The following ADGRA3 variants were observed in gnomAD, a reference collection of about 807,000 sequenced individuals.
ADGRA3 encodes the protein G-protein coupled receptor 125.
Under a neutral mutation model 119.8 loss-of-function variants are expected in ADGRA3, and 56 were observed. The ratio of observed to expected loss-of-function variants is 0.47; its 90% CI spans 0.38 to 0.58. The LOEUF (loss-of-function observed/expected upper bound fraction) is 0.58. Among genes scored for constraint, ADGRA3 ranks in the 20% least tolerant of loss-of-function variants. The pLI, the probability that ADGRA3 is intolerant of heterozygous loss-of-function variation, is 0.00. For missense variants in ADGRA3, 1,516 were observed against 1,649.0 expected (o/e 0.92, Z 1.40); for synonymous variants, 607 against 623.8 (o/e 0.97, Z 0.40).
At chr4:22,439,446 G>A (rs1288101537) in intron 7 of ADGRA3, among the ~76,000 whole-genome samples, 2 of 152,152 alleles carry the variant, frequency 1.3e-5, no homozygotes, top group Non-Finnish European at 2.9e-5. Flanking sequence ...ATGCGTTGCT[G>A]TTATGTAGAC....
At chr4:22,417,181 G>A (rs77233244) in intron 12 of ADGRA3, among the ~76,000 whole-genome samples, 2,522 of 152,246 alleles carry the variant, frequency 0.017, 33 homozygotes, top group Non-Finnish European at 0.024. Context: ...AAGATTAACA[G>A]CAATTACATT....
chr4:22,387,756 A>G lies in ADGRA3; in HGVS notation c.3915T>C (p.Asp1305=), dbSNP rs774854986. 5.0e-6 allele frequency: 8 copies of G among 1,614,038 alleles called. No individual in the cohort carries two copies. Among genetic ancestry groups the G allele is most frequent in the Non-Finnish European group, 6.8e-6 (8 of 1,179,930 alleles). Residue 1305 remains aspartate (D), a synonymous_variant, in exon 19 of 19, where the codon GAT becomes GAC. Transcript: ENST00000334304. ...ATCCAGTCCTAACATTGCCAGTGCT[A>G]TCGGTACCGAGCAAGGGTCCCTCCT... ...NGQEGPLLGT[D]STGNVRTGLW...
intron 10 of ADGRA3, among the ~76,000 whole-genome samples, chr4:22,428,103 TATC>T (rs1323840134): frequency 3.9e-5 from 6 of 152,322 alleles, no homozygotes; most frequent in South Asian, 4.1e-4. Context: ...TTTCTGATGT[TATC>T]ATATTAATAT....
At chr4:22,437,914 A>G (rs1716459060) in intron 8 of ADGRA3, among the ~76,000 whole-genome samples, 1 of 152,222 alleles carries the variant, frequency 6.6e-6, no homozygotes, top group Non-Finnish European at 1.5e-5. Context: ...CTGGGGGGAA[A>G]AAAAACAGAA....
At chr4:22,491,369 T>C (rs896788666) in intron 1 of ADGRA3, among the ~76,000 whole-genome samples, 17 of 152,224 alleles carry the variant, frequency 1.1e-4, no homozygotes, top group African/African-American at 3.6e-4. Context: ...CAAGTTTTTA[T>C]TGACAAAAAT....
At chr4:22,402,853 A>G in intron 14 of ADGRA3, 54 bp from the exon 15 acceptor site, 1 of 1,552,444 alleles carries the variant, frequency 6.4e-7, no homozygotes, top group Non-Finnish European at 8.7e-7. Flanking sequence ...ACATTTAACT[A>G]CTGAGATTTT....
At chr4:22,424,157 T>C in intron 11 of ADGRA3, 34 bp downstream of exon 11, 1 of 1,566,824 alleles carries the variant, frequency 6.4e-7, no homozygotes, top group South Asian at 1.2e-5. Context: ...AATGCACTTT[T>C]TTTCTCAGGA....
Position 22,413,728 on chromosome 4 carries a change from A to T in ADGRA3, c.1896T>A (p.Ser632=), listed in dbSNP as rs370249356. ...ATGCAATGAGTTGAAGCTTGTAAAG[A>T]GAGTCATCAGTTGGTCTGAGTTCTC... ...QKRELRPTDD[S]LYKLQLIAFR... Residue 632 remains serine, a synonymous_variant, in exon 13 of 19, where the codon TCT becomes TCA. Coordinates refer to ENST00000334304, the MANE Select transcript of ADGRA3 (RefSeq NM_145290.4). 1.9e-6 allele frequency: 3 copies of T among 1,613,998 alleles called. No individual in the cohort carries two copies. In the South Asian group the frequency reaches 3.3e-5, roughly 18 times the overall value.
intron 1 of ADGRA3, among the ~76,000 whole-genome samples, chr4:22,492,687 T>C (rs1718672696): frequency 6.6e-6 from 1 of 152,078 alleles, no homozygotes; most frequent in Non-Finnish European, 1.5e-5. Flanking sequence ...TTAAAGAGTG[T>C]GGTAAATGAC....
At chr4:22,409,426 T>C (rs1003763378) in intron 14 of ADGRA3, among the ~76,000 whole-genome samples, 1 of 152,146 alleles carries the variant, frequency 6.6e-6, no homozygotes, top group Non-Finnish European at 1.5e-5. Context: ...AAAGGAGACT[T>C]AGCAGAGGGA....
At chr4:22,475,644 G>A (rs1279005097) in intron 1 of ADGRA3, among the ~76,000 whole-genome samples, 1 of 151,898 alleles carries the variant, frequency 6.6e-6, no homozygotes, top group East Asian at 1.9e-4. Context: ...GGAGAATGGC[G>A]TGAACCCAGG....
At chr4:22,401,670 A>T in intron 15 of ADGRA3, 116 bp from the exon 16 acceptor site, 1 of 674,018 alleles carries the variant, frequency 1.5e-6, no homozygotes, top group South Asian at 2.3e-5. Context: ...TGATATTTAA[A>T]CATTTAACAA....
intron 8 of ADGRA3, among the ~76,000 whole-genome samples, chr4:22,437,604 T>G (rs1307611672): frequency 6.6e-6 from 1 of 152,182 alleles, no homozygotes; most frequent in Admixed American, 6.5e-5. Flanking sequence ...TAAAGAGAGT[T>G]TAAGGTAAAA....
chr4:22,468,716 C>G (rs768595914), intron 2 of ADGRA3, among the ~76,000 whole-genome samples: 1 of 150,846 alleles, frequency 6.6e-6, no homozygotes, highest in Non-Finnish European at 1.5e-5. Flanking sequence ...TTGCAGGAAG[C>G]CAAGATCATG....
intron 17 of ADGRA3, among the ~76,000 whole-genome samples, chr4:22,389,879 A>T (rs1195505457): frequency 6.6e-6 from 1 of 152,176 alleles, no homozygotes; most frequent in Non-Finnish European, 1.5e-5. Context: ...ATAAATTTCC[A>T]TTCTGGGTAA....
chr4:22,454,832 TTA>T, intron 4 of ADGRA3, 32 bp downstream of exon 4: 1 of 1,516,134 alleles, frequency 6.6e-7, no homozygotes, highest in Non-Finnish European at 9.2e-7. Context: ...AAATGCTTCC[TTA>T]TCTTTTAATG....
intron 11 of ADGRA3, 52 bp downstream of exon 11, chr4:22,424,139 C>A: frequency 6.6e-7 from 1 of 1,511,468 alleles, no homozygotes; most frequent in Non-Finnish European, 9.0e-7. Flanking sequence ...CGGGTGAGAG[C>A]TGTGTGAAAT....
intron 1 of ADGRA3, among the ~76,000 whole-genome samples, chr4:22,513,845 C>CAAAAAAAAAAAAAAAA (rs59015584): frequency 1.9e-4 from 6 of 31,490 alleles, no homozygotes; most frequent in African/African-American, 5.9e-4. Flanking sequence ...AGCTTTCAGG[C>CAAAAAAAAAAAAAAAA]AAAAAAAAAA....
chr4:22,390,403 AAATACGTATTATATATATAT>A (rs1560292344), intron 17 of ADGRA3, among the ~76,000 whole-genome samples: 2 of 3,174 alleles, frequency 6.3e-4, no homozygotes, highest in East Asian at 0.018. Flanking sequence ...TATATATATA[AAATACGTATTATATATATAT>A]AATACGTATT....
Sources: allele counts gnomAD v4.1 joint callset (sites outside exome capture counted in the v4.1 genomes callset), GRCh38; gene constraint gnomAD v4.1.1; transcripts MANE v1.5; gene names NCBI Gene and HGNC (gene_info 2026-07-23, HGNC 2026-07-21).